The following HNRNPA1 variants were observed in gnomAD, a reference collection of about 807,000 sequenced individuals.
The protein encoded by HNRNPA1 is epididymis secretory sperm binding protein.
A neutral mutation model predicts 44.4 loss-of-function variants in HNRNPA1; 7 were observed. The observed-to-expected ratio is 0.16, with a 90% CI of 0.09 to 0.30. The LOEUF is 0.30. Ranked by LOEUF, HNRNPA1 falls within the 10% of genes least tolerant of loss-of-function variation. The probability of loss-of-function intolerance (pLI) is 1.00; values close to 1 mark genes in which losing one functional copy is unlikely to be tolerated. For synonymous variants in HNRNPA1, 169 were observed against 160.6 expected, an observed-to-expected ratio of 1.05 and a Z score of -0.40; for missense variants, 193 against 465.8, an observed-to-expected ratio of 0.41 and a Z score of 5.39.
chr12:54,283,373 C>G, intron 8 of HNRNPA1, 139 bp downstream of exon 8: 1 of 963,136 alleles, frequency 1.0e-6, no homozygotes, highest in South Asian at 1.6e-5. Flanking sequence ...CTACCTCCTC[C>G]TAGCTTTAAG....
chr12:54,284,430 G>A (rs1357607340), intron 10 of HNRNPA1, 113 bp downstream of exon 10: 1 of 1,004,750 alleles, frequency 1.0e-6, no homozygotes, highest in African/African-American at 1.6e-5. Flanking sequence ...TGCAGTAATT[G>A]TGGATATAAA....
rs974498093 is a variant in HNRNPA1, at chr12:54,286,722, G to A, written c.*2178G>A. On this transcript the variant is annotated 3_prime_UTR_variant, in exon 11 of 11. Transcript: ENST00000340913. ...AACAGAAACTCATCTGTCCAAGTTC[G>A]TGGCAGAAAGGTAAGTTTTTACAAA... 3 of 152,158 alleles carry A rather than the reference G, an allele frequency of 2.0e-5. No individual in the cohort carries two copies. Among genetic ancestry groups the A allele is most frequent in the African/African-American group, 7.2e-5 (3 of 41,416 alleles). The allele number at this position is 152,158 out of a possible 1,614,324, so 9.4% of individuals were successfully genotyped here.
chr12:54,282,685 A>T lies in HNRNPA1; in HGVS notation c.676+20A>T. On this transcript the variant is annotated intron_variant, in intron 6 of 10. Coordinates refer to ENST00000340913, the MANE Select transcript of HNRNPA1 (RefSeq NM_031157.4). ...GTCGTGGTATGTATGGTTTATCTAC[A>T]TGTAGTTCTGACTTCTCACCATCTT... 6.2e-7 allele frequency: 1 copy of T among 1,606,400 alleles called. No individual in the cohort carries two copies. The highest frequency in any genetic ancestry group is 8.5e-7 in the Non-Finnish European group (1 of 1,173,088).
In HNRNPA1 at chr12:54,282,378, T is replaced by C. The variant is rs1411462825; in HGVS notation, c.491-16T>C. 1 of 1,612,048 alleles carries C rather than the reference T, an allele frequency of 6.2e-7. No homozygotes were observed. Among genetic ancestry groups the C allele is most frequent in the Admixed American group, 1.7e-5 (1 of 59,996 alleles). Reference sequence around the variant, plus strand: ...CTAAACCCTGATACCATGTTGTATCTATGTTTTTTTTTTAGTTCAGAAATA... The same window carrying C: ...CTAAACCCTGATACCATGTTGTATCCATGTTTTTTTTTTAGTTCAGAAATA... On this transcript the variant is annotated splice_polypyrimidine_tract_variant and intron_variant, in intron 4 of 10. Coordinates refer to ENST00000340913, the MANE Select transcript of HNRNPA1 (RefSeq NM_031157.4).
At chr12:54,282,989 A>G (rs1592172531) in intron 7 of HNRNPA1, 90 bp from the exon 8 acceptor site, 2 of 1,507,946 alleles carry the variant, frequency 1.3e-6, no homozygotes, top group Non-Finnish European at 1.8e-6. Flanking sequence ...CATAACACGC[A>G]TGCTGTGAGC....
chr12:54,280,868 C>T (rs1259008834), intron 1 of HNRNPA1, 46 bp downstream of exon 1: 2 of 1,606,918 alleles, frequency 1.2e-6, no homozygotes, highest in East Asian at 2.2e-5. Context: ...CTCTCCCTTT[C>T]CTGAATCGGT....
rs200425263 is a variant in HNRNPA1, at chr12:54,287,054, G to C, written c.*2510G>C. On this transcript the variant is annotated 3_prime_UTR_variant, in exon 11 of 11. Coordinates refer to ENST00000340913, the MANE Select transcript of HNRNPA1 (RefSeq NM_031157.4). ...GCAGCTCAAATTCCATTTTGTGAAT[G>C]GGTTTTTTTTTTTAATAAACTGTAT... The C allele has an allele frequency of 6.6e-6, 1 of 151,468 alleles. No homozygotes were observed. The highest frequency in any genetic ancestry group is 1.5e-5 in the Non-Finnish European group (1 of 67,878). 9.4% of individuals were successfully genotyped at this position (151,468 alleles called of 1,614,324 possible). A position where few individuals can be genotyped will look rare whatever the true frequency, so the allele number is the denominator to read the frequency against.
At chr12:54,281,989 G>C (rs1349331956) in intron 3 of HNRNPA1, 48 bp downstream of exon 3, 8 of 1,607,514 alleles carry the variant, frequency 5.0e-6, no homozygotes, top group Non-Finnish European at 6.8e-6. Context: ...TTGGATATGT[G>C]CTGCTATGGA....
chr12:54,282,550 A>G, intron 5 of HNRNPA1, 23 bp from the exon 6 acceptor site: 1 of 1,612,524 alleles, frequency 6.2e-7, no homozygotes, highest in Non-Finnish European at 8.5e-7. Context: ...GAATGATTTA[A>G]TGCTTAAACT....
chr12:54,283,729 T>C (rs1427752723), intron 8 of HNRNPA1, 83 bp from the exon 9 acceptor site: 2 of 1,368,182 alleles, frequency 1.5e-6, no homozygotes, highest in African/African-American at 2.9e-5. Context: ...TAACTCAACC[T>C]TATTTTATTC....
intron 6 of HNRNPA1, 25 bp downstream of exon 6, chr12:54,282,690 G>C: frequency 1.2e-6 from 2 of 1,601,796 alleles, no homozygotes; most frequent in African/African-American, 1.3e-5. Flanking sequence ...TCTACATGTA[G>C]TTCTGACTTC....
chr12:54,284,106 A>T, intron 9 of HNRNPA1, 139 bp downstream of exon 9: 1 of 1,306,132 alleles, frequency 7.7e-7, no homozygotes, highest in Non-Finnish European at 1.0e-6. Context: ...TTTGATCACA[A>T]ATTAGAAAAA....
At chr12:54,281,026 C>T (rs573025229) in intron 1 of HNRNPA1, 3 of 715,134 alleles carry the variant, frequency 4.2e-6, no homozygotes, top group Non-Finnish European at 2.6e-6. Context: ...AGTTATCATG[C>T]GGGACTCGTT....
At position 54,283,930 on chromosome 12, in the gene HNRNPA1, C is replaced by T; in HGVS notation, c.1026C>T (p.Gly342=). ...NFGGRSSGPY[G]GGGQYFAKPR... is the part of the protein sequence containing the mutation. ...GAGGCAGAAGCTCTGGCCCCTATGGCGGTGGAGGCCAATACTTTGCAAAAC... is the reference window on the plus strand; with the variant it reads ...GAGGCAGAAGCTCTGGCCCCTATGGTGGTGGAGGCCAATACTTTGCAAAAC... Residue 342 remains glycine (G), a synonymous_variant, in exon 9 of 11, where the codon GGC becomes GGT. Transcript: ENST00000340913. The T allele has an allele frequency of 2.5e-6, 4 of 1,608,692 alleles. No individual in the cohort carries two copies. The highest frequency in any genetic ancestry group is 3.4e-6 in the Non-Finnish European group (4 of 1,179,996).
At position 54,285,756 on chromosome 12, in the gene HNRNPA1, C is replaced by T. The variant is rs771323977; in HGVS notation, c.*1212C>T. On this transcript the variant is annotated 3_prime_UTR_variant, in exon 11 of 11. Transcript: ENST00000340913. ...GTACATAGATTCTTTTGAGCCTTAC[C>T]TTTGGTGCTCTCTCAATTTCAGTGC... The T allele has an allele frequency of 6.6e-6, 1 of 151,970 alleles. No individual in the cohort carries two copies. The allele number at this position is 151,970 out of a possible 1,614,324, so 9.4% of individuals were successfully genotyped here.
At position 54,280,772 on chromosome 12, in the gene HNRNPA1, A is replaced by G. The variant is rs575391201; in HGVS notation, c.-36A>G. ...CCTTTCTGCCCGTGGACGCCGCCGA[A>G]GAAGCATCGTTAAAGTCTCTCTTCA... On this transcript the variant is annotated 5_prime_UTR_variant, in exon 1 of 11. Coordinates refer to ENST00000340913, the MANE Select transcript of HNRNPA1 (RefSeq NM_031157.4). 8.7e-6 allele frequency: 14 copies of G among 1,614,042 alleles called. No individual in the cohort carries two copies. The South Asian group carries it at 1.3e-4, about 15-fold the overall frequency.
chr12:54,281,981 G>T (rs1362798114), intron 3 of HNRNPA1, 40 bp downstream of exon 3: 1 of 1,609,500 alleles, frequency 6.2e-7, no homozygotes. Flanking sequence ...AAACTTACTT[G>T]GATATGTGCT....
chr12:54,281,545 T>G (rs1049513476), intron 2 of HNRNPA1, 43 bp downstream of exon 2: 3 of 1,329,558 alleles, frequency 2.3e-6, no homozygotes, highest in Non-Finnish European at 3.2e-6. Flanking sequence ...GCCGATTTCC[T>G]TGGCTTATCT....
intron 7 of HNRNPA1, 85 bp downstream of exon 7, chr12:54,282,959 A>G: frequency 1.3e-6 from 2 of 1,481,914 alleles, no homozygotes; most frequent in Admixed American, 4.1e-5. Context: ...ATTCTGGTGC[A>G]TGTCAAACTC....
Sources: gnomAD v4.1 joint callset for allele counts on GRCh38, gnomAD v4.1.1 for gene constraint, MANE v1.5 for transcripts, NCBI Gene and HGNC (gene_info 2026-07-23, HGNC 2026-07-21) for gene names.